MYO1E: variants seen among roughly 807,000 people sequenced by gnomAD.
MYO1E encodes myosin IE.
In MYO1E, 68 loss-of-function variants were observed where a neutral mutation model predicts 151.1. The observed-to-expected ratio is 0.45, with a 90% CI of 0.37 to 0.55. The LOEUF is 0.55. MYO1E is among the 20% of genes least tolerant of loss of function. MYO1E has a pLI of 0.00. For synonymous variants in MYO1E, 601 were observed against 501.7 expected (o/e 1.20, Z -2.64); for missense variants, 1,363 against 1,389.3 (o/e 0.98, Z 0.30).
intron 1 of MYO1E, among the ~76,000 whole-genome samples, chr15:59,332,397 A>G (rs200729965): frequency 1.3e-5 from 2 of 152,216 alleles, no homozygotes; most frequent in East Asian, 3.8e-4. Flanking sequence ...AAGTAAACCC[A>G]TTATTTACAA....
intron 16 of MYO1E, among the ~76,000 whole-genome samples, chr15:59,201,406 T>C (rs1053256697): frequency 1.3e-5 from 2 of 150,614 alleles, no homozygotes; most frequent in Non-Finnish European, 3.0e-5. Context: ...CACAGATTTT[T>C]TTTTTTTTTT....
intron 1 of MYO1E, among the ~76,000 whole-genome samples, chr15:59,306,266 A>G (rs72746878): frequency 0.015 from 2,244 of 152,296 alleles, 27 homozygotes; most frequent in Non-Finnish European, 0.022. Context: ...AGATTACCTG[A>G]TTGTATATTT....
chr15:59,268,580 G>A (rs2080269859), intron 2 of MYO1E, among the ~76,000 whole-genome samples: 1 of 152,004 alleles, frequency 6.6e-6, no homozygotes, highest in Non-Finnish European at 1.5e-5. Flanking sequence ...AGAAATACAT[G>A]AGGCAGGATG....
At chr15:59,156,723 C>G (rs930820287) in intron 25 of MYO1E, among the ~76,000 whole-genome samples, 1 of 152,166 alleles carries the variant, frequency 6.6e-6, no homozygotes, top group Non-Finnish European at 1.5e-5. Flanking sequence ...TCAAAATGAC[C>G]CTATCAGACT....
chr15:59,224,379 T>A (rs568866398), intron 8 of MYO1E, among the ~76,000 whole-genome samples: 3 of 152,182 alleles, frequency 2.0e-5, no homozygotes, highest in Non-Finnish European at 4.4e-5. Context: ...AGCTCACGAA[T>A]AGAGTAGGCC....
chr15:59,328,502 T>C (rs775702865), intron 1 of MYO1E, among the ~76,000 whole-genome samples: 7 of 151,102 alleles, frequency 4.6e-5, no homozygotes, highest in Non-Finnish European at 1.0e-4. Context: ...GAAACCCCAG[T>C]TGTGTTGTTG....
intron 4 of MYO1E, among the ~76,000 whole-genome samples, chr15:59,240,900 A>G (rs1475424232): frequency 6.6e-6 from 1 of 152,242 alleles, no homozygotes; most frequent in African/African-American, 2.4e-5. Context: ...TGTTAAGCCG[A>G]AGGCCAGAAT....
intron 12 of MYO1E, among the ~76,000 whole-genome samples, 182 bp downstream of exon 12, chr15:59,214,046 G>A (rs138536709): frequency 1.3e-5 from 2 of 152,214 alleles, no homozygotes; most frequent in East Asian, 1.9e-4. Flanking sequence ...TGCTGCAGAC[G>A]GTATTTATAT....
chr15:59,227,179 T>C (rs567799148), intron 7 of MYO1E, among the ~76,000 whole-genome samples: 1 of 152,318 alleles, frequency 6.6e-6, no homozygotes, highest in South Asian at 2.1e-4. Context: ...CCCACCTGAA[T>C]TCCTTTGGCA....
intron 1 of MYO1E, among the ~76,000 whole-genome samples, chr15:59,312,967 G>T (rs1419371256): frequency 6.6e-6 from 1 of 152,156 alleles, no homozygotes; most frequent in Non-Finnish European, 1.5e-5. Flanking sequence ...CTTGAACCCG[G>T]GAGGCGGAGA....
intron 1 of MYO1E, among the ~76,000 whole-genome samples, chr15:59,303,079 A>C (rs1478534975): frequency 2.0e-5 from 3 of 152,210 alleles, no homozygotes; most frequent in African/African-American, 7.2e-5. Context: ...CCTGGCTGGT[A>C]TTTTGAGAAG....
intron 1 of MYO1E, among the ~76,000 whole-genome samples, chr15:59,281,324 G>A (rs2080352225): frequency 6.7e-6 from 1 of 149,790 alleles, no homozygotes; most frequent in Admixed American, 6.7e-5. Flanking sequence ...CACCTAGGCT[G>A]GAGTGTAATG....
chr15:59,312,539 C>T (rs1040878000), intron 1 of MYO1E, among the ~76,000 whole-genome samples: 3 of 152,258 alleles, frequency 2.0e-5, no homozygotes, highest in Non-Finnish European at 2.9e-5. Flanking sequence ...AATCTTGCTC[C>T]GTCACCCTGG....
intron 2 of MYO1E, among the ~76,000 whole-genome samples, chr15:59,271,937 TA>T (rs2080291270): frequency 6.6e-6 from 1 of 152,274 alleles, no homozygotes; most frequent in Non-Finnish European, 1.5e-5. Context: ...GCTGCATCTT[TA>T]CTTTGTGAAA....
chr15:59,236,399 C>T (rs1228483659), intron 5 of MYO1E, among the ~76,000 whole-genome samples, 186 bp downstream of exon 5: 1 of 148,048 alleles, frequency 6.8e-6, no homozygotes, highest in African/African-American at 2.5e-5. Flanking sequence ...CACACACACA[C>T]ACACACACAC....
intron 1 of MYO1E, among the ~76,000 whole-genome samples, chr15:59,368,147 A>T (rs2080924902): frequency 6.6e-6 from 1 of 152,136 alleles, no homozygotes; most frequent in Non-Finnish European, 1.5e-5. Context: ...GAACTGGCAG[A>T]TATAGCATAA....
At position 59,134,836 on chromosome 15, in the gene MYO1E, A is replaced by G. The variant is rs2079363050; in HGVS notation, c.*2544T>C. On this transcript the variant is annotated 3_prime_UTR_variant, in exon 28 of 28. Coordinates refer to ENST00000288235, the MANE Select transcript of MYO1E (RefSeq NM_004998.4). ...AGTGGTCATATTTGCTTAACTGCAC[A>G]GTGAACAAAATGGCAGGCCAGGCTA... 1 of 152,212 alleles carries G rather than the reference A, an allele frequency of 6.6e-6. No homozygotes were observed. Among genetic ancestry groups the G allele is most frequent in the Non-Finnish European group, 1.5e-5 (1 of 68,030 alleles). 9.4% of individuals were successfully genotyped at this position (152,212 alleles called of 1,614,324 possible).
intron 4 of MYO1E, among the ~76,000 whole-genome samples, chr15:59,242,689 AT>A (rs2080107275): frequency 1.3e-5 from 2 of 152,246 alleles, no homozygotes; most frequent in Admixed American, 1.3e-4. Flanking sequence ...GGATGTTGTC[AT>A]GATCTGAGAA....
intron 26 of MYO1E, among the ~76,000 whole-genome samples, chr15:59,148,374 G>T (rs1286379252): frequency 3.3e-5 from 5 of 152,100 alleles, no homozygotes; most frequent in African/African-American, 1.2e-4. Context: ...ACACCTCCTG[G>T]GTGGGTGTGC....
Sources: gnomAD v4.1 joint callset for allele counts (sites outside exome capture counted in the v4.1 genomes callset) on GRCh38, gnomAD v4.1.1 for gene constraint, MANE v1.5 for transcripts, NCBI Gene and HGNC (gene_info 2026-07-23, HGNC 2026-07-21) for gene names.